PSMG2: variants seen among roughly 807,000 people sequenced by gnomAD.
PSMG2 encodes the protein CD40 ligand-activated specific transcript 3.
In PSMG2, 21 loss-of-function variants were observed where a neutral mutation model predicts 31.5. The observed-to-expected ratio is 0.67, with a 90% confidence interval of 0.47 to 0.96. The LOEUF (loss-of-function observed/expected upper bound fraction) is 0.96. PSMG2 is among the 40% of genes least tolerant of loss of function. The pLI is 0.00. For synonymous variants in PSMG2, 120 were observed against 110.4 expected (o/e 1.09, Z -0.54); for missense variants, 318 against 321.2 (o/e 0.99, Z 0.08).
intron 1 of PSMG2, chr18:12,665,218 T>C (rs2038779862): frequency 2.0e-5 from 3 of 152,154 alleles, no homozygotes; most frequent in African/African-American, 4.8e-5. Context: ...ATTCCAGATG[T>C]GCTAAAAAGC....
At chr18:12,690,240 A>G (rs2039702905) in intron 1 of PSMG2, among the ~76,000 whole-genome samples, 2 of 152,130 alleles carry the variant, frequency 1.3e-5, no homozygotes, top group Non-Finnish European at 1.5e-5. Flanking sequence ...TCTCATTCCC[A>G]AGCTCCCCAT....
chr18:12,703,201 G>A (rs752746905), intron 1 of PSMG2, 37 bp downstream of exon 1: 1 of 1,580,186 alleles, frequency 6.3e-7, no homozygotes, highest in South Asian at 1.2e-5. Flanking sequence ...GCCGCCTCCC[G>A]AGGCCCCTGC....
intron 1 of PSMG2, among the ~76,000 whole-genome samples, chr18:12,667,773 A>AG (rs2038832616): frequency 6.7e-6 from 1 of 149,426 alleles, no homozygotes; most frequent in African/African-American, 2.5e-5. Flanking sequence ...AAAAAAAAAA[A>AG]AAAAGAAAAG....
intron 2 of PSMG2, among the ~76,000 whole-genome samples, chr18:12,708,874 T>G (rs1169080590): frequency 6.8e-6 from 1 of 146,996 alleles, no homozygotes; most frequent in African/African-American, 2.5e-5. Flanking sequence ...CCCGACTACT[T>G]TTTGTTTTTG....
intron 1 of PSMG2, among the ~76,000 whole-genome samples, chr18:12,671,797 T>A (rs1316889986): frequency 6.6e-6 from 1 of 152,024 alleles, no homozygotes; most frequent in Admixed American, 6.6e-5. Flanking sequence ...TGTGACACCA[T>A]GCCTAGCTAC....
At chr18:12,663,233 G>A (rs889954285) in intron 1 of PSMG2, among the ~76,000 whole-genome samples, 5 of 152,138 alleles carry the variant, frequency 3.3e-5, no homozygotes, top group African/African-American at 9.7e-5. Flanking sequence ...ACAAGCAGTA[G>A]CTTACTCCTT....
At chr18:12,667,760 C>CAAAAAA (rs67167827) in intron 1 of PSMG2, among the ~76,000 whole-genome samples, 3 of 89,922 alleles carry the variant, frequency 3.3e-5, no homozygotes, top group Non-Finnish European at 6.3e-5. Context: ...GACTCTTTCT[C>CAAAAAA]AAAAAAAAAA....
At chr18:12,669,457 A>T (rs532537224) in intron 1 of PSMG2, among the ~76,000 whole-genome samples, 1 of 152,074 alleles carries the variant, frequency 6.6e-6, no homozygotes, top group East Asian at 1.9e-4. Context: ...TATGTTGACC[A>T]GGCTGTGCTC....
chr18:12,668,780 C>G (rs1329561915), intron 1 of PSMG2, among the ~76,000 whole-genome samples: 1 of 137,510 alleles, frequency 7.3e-6, no homozygotes, highest in Non-Finnish European at 1.6e-5. Flanking sequence ...GCTCTGTCAC[C>G]CAGGCTGGAG....
intron 1 of PSMG2, chr18:12,671,135 G>C (rs1190650957): frequency 1.3e-5 from 2 of 150,544 alleles, no homozygotes; most frequent in Non-Finnish European, 3.0e-5. Flanking sequence ...AGAAATAGGG[G>C]GGGGTCTCTC....
chr18:12,705,574 A>AGTGT lies in PSMG2; in HGVS notation c.58-975_58-974insTGTG, dbSNP rs1222721405. Among the ~76,000 whole-genome samples the AGTGT allele has an allele frequency of 2.3e-3, 316 of 135,798 alleles. 1 individual carries two copies. The highest frequency in any genetic ancestry group is 5.8e-3 in the African/African-American group (208 of 35,794). The allele number at this position is 135,798 out of a possible 152,430, so 89.1% of individuals were successfully genotyped here. On this transcript the variant is annotated intron_variant, in intron 1 of 6. Coordinates refer to ENST00000317615, the MANE Select transcript of PSMG2 (RefSeq NM_020232.5). ...GAGAGAGAGAGAGAGAGAGAGAGAG[A>AGTGT]GAGTGTGTGTGTGTGTGTGTGTGTG...
intron 1 of PSMG2, chr18:12,672,742 T>G: frequency 3.1e-6 from 3 of 973,074 alleles, no homozygotes; most frequent in Non-Finnish European, 3.7e-6. Flanking sequence ...TATTTCTAAA[T>G]GATTCATGTA....
Position 12,713,401 on chromosome 18 carries a change from G to T in PSMG2, c.288+641G>T, listed in dbSNP as rs545174802. On this transcript the variant is annotated intron_variant, in intron 3 of 6. Coordinates refer to ENST00000317615, the MANE Select transcript of PSMG2 (RefSeq NM_020232.5). ...ATTGACTCCCAAGGAGACAGGAGTC[G>T]ACCTCAAATCTGCCTCCCTGTGCTG... Among the ~76,000 whole-genome samples, 6 of 152,218 alleles carry T rather than the reference G, an allele frequency of 3.9e-5. No individual in the cohort carries two copies. In the South Asian group the frequency reaches 1.2e-3, roughly 32 times the overall value.
intron 1 of PSMG2, among the ~76,000 whole-genome samples, chr18:12,675,561 A>G (rs755510929): frequency 1.4e-4 from 22 of 152,152 alleles, no homozygotes; most frequent in Non-Finnish European, 2.9e-4. Context: ...ACTCTATAAA[A>G]CTTATATACT....
chr18:12,701,625 GCAC>G (rs1014534191), upstream of PSMG2, among the ~76,000 whole-genome samples: 3 of 152,154 alleles, frequency 2.0e-5, no homozygotes, highest in African/African-American at 7.2e-5. Context: ...GCACACAAGG[GCAC>G]CATAAATGGT....
rs113784090 is a variant in PSMG2, at chr18:12,669,123, C to CT, written c.-37+10359dup. On this transcript the variant is annotated intron_variant, in intron 1 of 6. Coordinates refer to the PSMG2 transcript ENST00000585331. The stretch of plus-strand genomic sequence containing the variant: ...GTGTGATCTCAGCTCACGGCAACCT[C>CT]TTTTTTTTTGAGACAGAGTTTCACT... Among the ~76,000 whole-genome samples, 1,009 of 118,934 alleles carry CT rather than the reference C, an allele frequency of 8.5e-3. 55 individuals are homozygous for CT. Among genetic ancestry groups the CT allele is most frequent in the African/African-American group, 0.029 (963 of 33,590 alleles). 78.0% of individuals were successfully genotyped at this position (118,934 alleles called of 152,430 possible).
intron 1 of PSMG2, among the ~76,000 whole-genome samples, chr18:12,676,740 T>C (rs1471378656): frequency 1.3e-5 from 2 of 152,204 alleles, no homozygotes; most frequent in African/African-American, 4.8e-5. Flanking sequence ...TGAAAACATA[T>C]TACAAATGCC....
At chr18:12,680,439 T>C (rs928453317) in intron 1 of PSMG2, among the ~76,000 whole-genome samples, 1 of 151,128 alleles carries the variant, frequency 6.6e-6, no homozygotes, top group Admixed American at 6.6e-5. Context: ...CTACTAAAAA[T>C]ACAAAAATCA....
chr18:12,712,584 TA>T (rs1204184642), intron 2 of PSMG2, 117 bp from the exon 3 acceptor site: 1 of 718,410 alleles, frequency 1.4e-6, no homozygotes, highest in African/African-American at 1.8e-5. Flanking sequence ...TTCCGTATTT[TA>T]ATTATTGAAA....
Sources: gnomAD v4.1 joint callset for allele counts (sites outside exome capture counted in the v4.1 genomes callset) on GRCh38, gnomAD v4.1.1 for gene constraint, MANE v1.5 for transcripts, NCBI Gene and HGNC (gene_info 2026-07-23, HGNC 2026-07-21) for gene names.